The following CDK14 variants were observed in gnomAD, a reference collection of about 807,000 sequenced individuals.
The protein encoded by CDK14 is cyclin-dependent kinase 14.
Under a neutral mutation model 60.7 loss-of-function variants are expected in CDK14, and 34 were observed. That is an observed-to-expected ratio of 0.56 (90% confidence interval 0.43 to 0.75). The LOEUF is 0.75. CDK14 is among the 30% of genes least tolerant of loss of function. The pLI is 0.00. For synonymous variants in CDK14, 197 were observed against 203.7 expected, an observed-to-expected ratio of 0.97 and a Z score of 0.28; for missense variants, 482 against 564.1, an observed-to-expected ratio of 0.85 and a Z score of 1.47.
intron 3 of CDK14, among the ~76,000 whole-genome samples, chr7:90,737,767 T>C (rs1803181632): frequency 1.3e-5 from 2 of 152,210 alleles, no homozygotes; most frequent in Admixed American, 1.3e-4. Context: ...CACGTGGTTC[T>C]GATTGAATCC....
intron 3 of CDK14, among the ~76,000 whole-genome samples, chr7:90,746,842 A>G (rs941252471): frequency 2.0e-5 from 3 of 152,176 alleles, no homozygotes; most frequent in African/African-American, 7.2e-5. Context: ...GGATTGATTT[A>G]TGTATATATA....
At chr7:90,962,756 A>G (rs934569516) in intron 9 of CDK14, among the ~76,000 whole-genome samples, 20 of 152,190 alleles carry the variant, frequency 1.3e-4, no homozygotes, top group African/African-American at 4.8e-4. Flanking sequence ...GATTTTTTAA[A>G]CAGCCAATCA....
At chr7:91,037,444 A>G (rs1796964959) in intron 10 of CDK14, among the ~76,000 whole-genome samples, 1 of 151,888 alleles carries the variant, frequency 6.6e-6, no homozygotes, top group African/African-American at 2.4e-5. Context: ...TGTGTGTTGA[A>G]TGTGAGGGAG....
intron 12 of CDK14, among the ~76,000 whole-genome samples, chr7:91,104,070 G>T (rs1799217822): frequency 1.3e-5 from 2 of 151,570 alleles, no homozygotes; most frequent in Non-Finnish European, 2.9e-5. Flanking sequence ...AAATTCCTTA[G>T]TTTTTTTTTA....
intron 2 of CDK14, among the ~76,000 whole-genome samples, chr7:90,629,853 C>A (rs990428588): frequency 6.6e-6 from 1 of 151,986 alleles, no homozygotes; most frequent in Non-Finnish European, 1.5e-5. Context: ...ATGGTGAAAC[C>A]CCATTTCTAT....
intron 10 of CDK14, among the ~76,000 whole-genome samples, chr7:90,993,646 A>G (rs1174652863): frequency 6.6e-6 from 1 of 152,182 alleles, no homozygotes; most frequent in Non-Finnish European, 1.5e-5. Context: ...AGTGATGTGC[A>G]TATGGAGGGC....
chr7:90,607,840 C>A (rs988047886), intron 2 of CDK14, among the ~76,000 whole-genome samples: 14 of 152,104 alleles, frequency 9.2e-5, no homozygotes, highest in African/African-American at 3.1e-4. Context: ...GTTCTGTGGT[C>A]TAAATCTACA....
chr7:91,127,916 T>C (rs1268963728), intron 14 of CDK14, among the ~76,000 whole-genome samples: 1 of 152,186 alleles, frequency 6.6e-6, no homozygotes, highest in Non-Finnish European at 1.5e-5. Context: ...TCCAGTATTT[T>C]TACAATGTAT....
At chr7:90,813,788 ATAGT>A (rs1313242136) in intron 5 of CDK14, among the ~76,000 whole-genome samples, 4 of 152,154 alleles carry the variant, frequency 2.6e-5, no homozygotes, top group African/African-American at 7.2e-5. Context: ...AATATAAATA[ATAGT>A]TAGGGTCCGA....
chr7:90,716,074 T>C (rs751519051), intron 2 of CDK14, among the ~76,000 whole-genome samples: 3 of 152,028 alleles, frequency 2.0e-5, no homozygotes, highest in Non-Finnish European at 2.9e-5. Flanking sequence ...ATTGTGGATG[T>C]CAACTGGAAG....
At chr7:90,937,138 G>A (rs73225075) in intron 8 of CDK14, among the ~76,000 whole-genome samples, 8,831 of 152,064 alleles carry the variant, frequency 0.058, 390 homozygotes, top group South Asian at 0.091. Context: ...TCAAAGTATA[G>A]GACACTGTGA....
At chr7:90,599,517 G>A (rs575189572) in intron 1 of CDK14, among the ~76,000 whole-genome samples, 2 of 152,166 alleles carry the variant, frequency 1.3e-5, no homozygotes, top group Non-Finnish European at 2.9e-5. Flanking sequence ...TATATGTGAA[G>A]ACTAAATCGG....
At position 90,907,685 on chromosome 7, in the gene CDK14, G is replaced by A. The variant is rs118098454; in HGVS notation, c.702+8332G>A. 8.8e-4 allele frequency among the ~76,000 whole-genome samples: 134 copies of A among 152,098 alleles called. 2 individuals carry two copies. The East Asian group carries it at 0.022, about 25-fold the overall frequency. On this transcript the variant is annotated intron_variant, in intron 7 of 14. Coordinates refer to ENST00000380050, the MANE Select transcript of CDK14 (RefSeq NM_001287135.2). ...TCCTGCCTTATTCTCTGAAGTATCC[G>A]CAATCCTATTGGCATAAAGCTGATT...
intron 12 of CDK14, among the ~76,000 whole-genome samples, chr7:91,102,972 G>A (rs779059612): frequency 6.6e-5 from 10 of 152,076 alleles, no homozygotes; most frequent in East Asian, 1.9e-4. Context: ...GCTGCCTTCC[G>A]GCCGGGTGCG....
chr7:90,604,574 G>A (rs1233508553), intron 2 of CDK14, among the ~76,000 whole-genome samples: 1 of 152,184 alleles, frequency 6.6e-6, no homozygotes, highest in Non-Finnish European at 1.5e-5. Context: ...GTCTGGAGCT[G>A]TTGGTAAGTT....
chr7:90,633,118 G>T (rs891681487), intron 2 of CDK14, among the ~76,000 whole-genome samples: 6 of 149,436 alleles, frequency 4.0e-5, no homozygotes, highest in Non-Finnish European at 8.9e-5. Flanking sequence ...AAATTGTTTT[G>T]CAGTGTACAT....
intron 9 of CDK14, among the ~76,000 whole-genome samples, chr7:90,983,915 G>A (rs568447817): frequency 1.1e-4 from 17 of 152,212 alleles, no homozygotes; most frequent in Admixed American, 3.9e-4. Context: ...TGGGTACTAC[G>A]TTCAGTACCT....
At chr7:90,736,342 A>ATCTTTTTTTTT (rs1803106558) in intron 3 of CDK14, among the ~76,000 whole-genome samples, 2 of 87,094 alleles carry the variant, frequency 2.3e-5, no homozygotes, top group Non-Finnish European at 2.1e-5. Flanking sequence ...GTACTTTATT[A>ATCTTTTTTTTT]TGTTTTTGTT....
At chr7:90,909,627 A>G (rs764931470) in intron 7 of CDK14, among the ~76,000 whole-genome samples, 5 of 151,986 alleles carry the variant, frequency 3.3e-5, no homozygotes. Context: ...GCACCTCCAT[A>G]CCGGAAACAC....
Sources: gnomAD v4.1 joint callset for allele counts (sites outside exome capture counted in the v4.1 genomes callset) on GRCh38, gnomAD v4.1.1 for gene constraint, MANE v1.5 for transcripts, NCBI Gene and HGNC (gene_info 2026-07-23, HGNC 2026-07-21) for gene names.